The following MSI2 variants were observed in gnomAD, a reference collection of about 807,000 sequenced individuals.
The protein encoded by MSI2 is RNA-binding protein Musashi homolog 2.
A neutral mutation model predicts 45.6 loss-of-function variants in MSI2; 17 were observed. The observed-to-expected ratio is 0.37, with a 90% CI of 0.26 to 0.56. The LOEUF (loss-of-function observed/expected upper bound fraction) is 0.56. MSI2 is among the 20% of genes least tolerant of loss of function. The probability of loss-of-function intolerance (pLI) is 0.77; values close to 1 mark genes in which losing one functional copy is unlikely to be tolerated. For missense variants in MSI2, 293 were observed against 444.2 expected (o/e 0.66, Z 3.06); for synonymous variants, 156 against 158.2 (o/e 0.99, Z 0.11).
At chr17:57,635,293 A>G (rs1909751677) in intron 10 of MSI2, among the ~76,000 whole-genome samples, 2 of 152,250 alleles carry the variant, frequency 1.3e-5, no homozygotes, top group Admixed American at 1.3e-4. Context: ...ATGATTTCAC[A>G]TACAGAAGTG....
chr17:57,601,777 G>A (rs925982643), intron 8 of MSI2: 2 of 152,264 alleles, frequency 1.3e-5, no homozygotes, highest in Non-Finnish European at 2.9e-5. Context: ...AGGAATCGGT[G>A]CTTATAGGCA....
At chr17:57,331,749 G>T (rs1462866492) in intron 5 of MSI2, among the ~76,000 whole-genome samples, 1 of 152,138 alleles carries the variant, frequency 6.6e-6, no homozygotes, top group African/African-American at 2.4e-5. Context: ...GAACAGTGAA[G>T]GCGTATCAGC....
intron 7 of MSI2, among the ~76,000 whole-genome samples, chr17:57,560,478 C>T (rs528611061): frequency 2.0e-5 from 3 of 152,322 alleles, no homozygotes; most frequent in African/African-American, 7.2e-5. Flanking sequence ...TACTTCCTCC[C>T]ACCACCCCCA....
At chr17:57,358,189 CTGTGTGTGTGGGGGGGTG>C (rs1444034882) in intron 5 of MSI2, among the ~76,000 whole-genome samples, 2 of 60,318 alleles carry the variant, frequency 3.3e-5, no homozygotes, top group Non-Finnish European at 7.4e-5. Flanking sequence ...GTGGGTTTTT[CTGTGTGTGTGGGGGGGTG>C]TGTGTGTGTG....
rs1907143686 is a variant in MSI2, at chr17:57,610,456, A to AGACAGAGCAGAATTAAACAG, written c.538-5514_538-5513insGACAGAGCAGAATTAAACAG. Among the ~76,000 whole-genome samples, 207 of 100,536 alleles carry AGACAGAGCAGAATTAAACAG rather than the reference A, an allele frequency of 2.1e-3. 22 individuals carry two copies. Among genetic ancestry groups the AGACAGAGCAGAATTAAACAG allele is most frequent in the East Asian group, 4.4e-3 (17 of 3,902 alleles). 66.0% of individuals were successfully genotyped at this position (100,536 alleles called of 152,430 possible). On this transcript the variant is annotated intron_variant, in intron 8 of 13. Transcript: ENST00000284073. ...GACACAGCAAGACTCCGTCTAAAAA[A>AGACAGAGCAGAATTAAACAG]AAAAAAAATTCTACATATAGAGGGC... is the stretch of plus-strand genomic sequence containing the variant.
At position 57,596,283 on chromosome 17, in the gene MSI2, G is replaced by T. The variant is rs1288901930; in HGVS notation, c.455-585G>T. 6.6e-6 allele frequency among the ~76,000 whole-genome samples: 1 copy of T among 152,224 alleles called. No individual in the cohort carries two copies. The highest frequency in any genetic ancestry group is 1.5e-5 in the Non-Finnish European group (1 of 68,042). On this transcript the variant is annotated intron_variant, in intron 7 of 13. Transcript: ENST00000284073. The surrounding 1 kb of genome is among the most constrained non-coding windows in gnomAD (Gnocchi z 4.6). The stretch of plus-strand genomic sequence containing the variant: ...ACGGGCTGACAGCAGGCATCAAACA[G>T]TCTTAAACTGCCCCAAATCCAGAGC...
chr17:57,652,281 G>A lies in MSI2; in HGVS notation c.790+120G>A. The stretch of plus-strand genomic sequence containing the variant: ...CAACACCACTCTCACCACAGCCCCG[G>A]GGAGGGGGTGGACGGGGAGGGGGTG... On this transcript the variant is annotated intron_variant, in intron 11 of 13. Transcript: ENST00000284073. The surrounding 1 kb of genome is among the most constrained non-coding windows in gnomAD (Gnocchi z 4.1). The A allele has an allele frequency of 9.5e-7, 1 of 1,056,508 alleles. No homozygotes were observed. The highest frequency in any genetic ancestry group is 1.4e-6 in the Non-Finnish European group (1 of 715,140). The allele number at this position is 1,056,508 out of a possible 1,614,324, so 65.4% of individuals were successfully genotyped here. A position where few individuals can be genotyped will look rare whatever the true frequency, so the allele number is the denominator to read the frequency against.
At chr17:57,412,621 A>G (rs1397649023) in intron 6 of MSI2, among the ~76,000 whole-genome samples, 1 of 152,190 alleles carries the variant, frequency 6.6e-6, no homozygotes, top group East Asian at 1.9e-4. Context: ...TGTGGCCCAG[A>G]TGGTCTCCTA....
rs554133813 is a variant in MSI2, at chr17:57,683,035, G to A, written c.*3518G>A. ...CGCGCTCTATACCAAACAGCCTCGCGCTCTATCCCAGTCGCCCATTAGCTT... is the reference window on the plus strand; with the variant it reads ...CGCGCTCTATACCAAACAGCCTCGCACTCTATCCCAGTCGCCCATTAGCTT... On this transcript the variant is annotated 3_prime_UTR_variant, in exon 14 of 14. Transcript: ENST00000284073. This position sits in a 1 kb window ranked among gnomAD's most constrained non-coding sequence, Gnocchi z 5.2. 24 of 229,800 alleles carry A rather than the reference G, an allele frequency of 1.0e-4. No individual in the cohort carries two copies. Among genetic ancestry groups the A allele is most frequent in the African/African-American group, 4.4e-4 (20 of 45,208 alleles). 14.2% of individuals were successfully genotyped at this position (229,800 alleles called of 1,614,324 possible). A position where few individuals can be genotyped will look rare whatever the true frequency, so the allele number is the denominator to read the frequency against.
chr17:57,620,230 C>A (rs1327034433), intron 9 of MSI2, among the ~76,000 whole-genome samples: 1 of 152,216 alleles, frequency 6.6e-6, no homozygotes, highest in African/African-American at 2.4e-5. Flanking sequence ...CTCTATTCTT[C>A]ATTTATCCTA....
chr17:57,502,602 G>GATATATATAT (rs57142800), intron 6 of MSI2, among the ~76,000 whole-genome samples: 1,257 of 54,292 alleles, frequency 0.023, 84 homozygotes, highest in Middle Eastern at 0.034. Context: ...ATGACTCTGA[G>GATATATATAT]ATATATATAT....
At chr17:57,588,016 G>T (rs117818257) in intron 7 of MSI2, among the ~76,000 whole-genome samples, 294 of 152,300 alleles carry the variant, frequency 1.9e-3, no homozygotes, top group Non-Finnish European at 2.4e-3. Context: ...CAGTGGAGGG[G>T]CTGCGATGCC....
chr17:57,495,826 G>C (rs921622111), intron 6 of MSI2, among the ~76,000 whole-genome samples: 1 of 152,206 alleles, frequency 6.6e-6, no homozygotes, highest in African/African-American at 2.4e-5. Flanking sequence ...TATTTGAAGA[G>C]ATCGGCTGCT....
At chr17:57,310,424 C>T (rs929099208) in intron 5 of MSI2, among the ~76,000 whole-genome samples, 2 of 151,956 alleles carry the variant, frequency 1.3e-5, no homozygotes, top group Non-Finnish European at 2.9e-5. Flanking sequence ...ACCTCTGCCT[C>T]TCAGGTTCAA....
At chr17:57,311,509 G>C (rs1912397134) in intron 5 of MSI2, among the ~76,000 whole-genome samples, 1 of 152,128 alleles carries the variant, frequency 6.6e-6, no homozygotes, top group African/African-American at 2.4e-5. Flanking sequence ...TTTGGCTCAG[G>C]GGAAGTGGGA....
At chr17:57,300,613 C>G (rs1359424759) in intron 5 of MSI2, among the ~76,000 whole-genome samples, 2 of 152,042 alleles carry the variant, frequency 1.3e-5, no homozygotes, top group Admixed American at 1.3e-4. Flanking sequence ...TGTATTAGCC[C>G]GTTTTCATGC....
chr17:57,521,453 C>T (rs2086582719), intron 6 of MSI2, among the ~76,000 whole-genome samples: 2 of 152,098 alleles, frequency 1.3e-5, no homozygotes, highest in South Asian at 4.2e-4. Context: ...TTCTTAAAGC[C>T]CTCTGTTCAT....
chr17:57,387,751 C>T (rs1266206765), intron 5 of MSI2, among the ~76,000 whole-genome samples: 2 of 151,998 alleles, frequency 1.3e-5, no homozygotes, highest in African/African-American at 2.4e-5. Context: ...TGTTGTTTAG[C>T]CTATAAAACA....
At chr17:57,670,597 C>T (rs1912705458) in intron 11 of MSI2, among the ~76,000 whole-genome samples, 1 of 152,234 alleles carries the variant, frequency 6.6e-6, no homozygotes, top group Non-Finnish European at 1.5e-5. Context: ...AGTGCATCTC[C>T]TCTTGCCGTC....
Sources: allele counts gnomAD v4.1 joint callset (sites outside exome capture counted in the v4.1 genomes callset), GRCh38; gene constraint gnomAD v4.1.1; non-coding constraint Gnocchi (gnomAD v3.1); transcripts MANE v1.5; gene names NCBI Gene and HGNC (gene_info 2026-07-23, HGNC 2026-07-21).